DOCK2: variants seen among roughly 807,000 people sequenced by gnomAD.
The protein encoded by DOCK2 is dedicator of cytokinesis 2.
Under a neutral mutation model 248.9 loss-of-function variants are expected in DOCK2, and 87 were observed. The observed-to-expected ratio is 0.35, with a 90% confidence interval of 0.29 to 0.42. DOCK2 has a LOEUF of 0.42. Ranked by LOEUF, DOCK2 falls within the 10% of genes least tolerant of loss-of-function variation. The pLI, the probability that DOCK2 is intolerant of heterozygous loss-of-function variation, is 1.00. For missense variants in DOCK2, 1,747 were observed against 2,300.2 expected (o/e 0.76, Z 4.92); for synonymous variants, 805 against 821.6 (o/e 0.98, Z 0.35).
At chr5:169,858,854 T>TA (rs749437593) in intron 27 of DOCK2, among the ~76,000 whole-genome samples, 4 of 151,626 alleles carry the variant, frequency 2.6e-5, no homozygotes, top group East Asian at 3.9e-4. Context: ...ATAATTATTT[T>TA]AAAAAAAACA....
At chr5:170,017,197 C>T (rs536019148) in intron 32 of DOCK2, among the ~76,000 whole-genome samples, 6 of 152,242 alleles carry the variant, frequency 3.9e-5, no homozygotes, top group African/African-American at 1.4e-4. Context: ...GAGCTTTAAT[C>T]GCAAGCAGCT....
At chr5:169,795,251 C>G (rs953145237) in intron 25 of DOCK2, among the ~76,000 whole-genome samples, 10 of 152,068 alleles carry the variant, frequency 6.6e-5, no homozygotes, top group Non-Finnish European at 1.5e-4. Flanking sequence ...TACATTTTTC[C>G]TTAAGGATTT....
At chr5:169,910,449 A>G (rs1774530673) in intron 27 of DOCK2, among the ~76,000 whole-genome samples, 1 of 152,184 alleles carries the variant, frequency 6.6e-6, no homozygotes, top group Admixed American at 6.5e-5. Context: ...TTTTAAAAAA[A>G]GATCAGCAGA....
At chr5:169,669,195 T>A in intron 2 of DOCK2, 93 bp from the exon 3 acceptor site, 1 of 1,218,052 alleles carries the variant, frequency 8.2e-7, no homozygotes, top group Non-Finnish European at 1.2e-6. Flanking sequence ...GCAGTAGTTT[T>A]ACTAGTTTAA....
intron 27 of DOCK2, among the ~76,000 whole-genome samples, chr5:169,979,773 T>C (rs1777875057): frequency 6.6e-6 from 1 of 152,188 alleles, no homozygotes; most frequent in Non-Finnish European, 1.5e-5. Context: ...TAGTGAGAAC[T>C]AAGAAATTAA....
At position 169,749,373 on chromosome 5, in the gene DOCK2, TA is replaced by T. The variant is rs755879719; in HGVS notation, c.2376+1874del. On this transcript the variant is annotated intron_variant, in intron 23 of 51. Transcript: ENST00000520908. ...GCTACCCGGACAAGAAGAACCTGGG[TA>T]AAAAGACTTATGCCAAAACCATAAT... 1.6e-4 allele frequency among the ~76,000 whole-genome samples: 24 copies of T among 152,260 alleles called. 1 individual carries two copies. Among genetic ancestry groups the T allele is most frequent in the Non-Finnish European group, 2.9e-4 (20 of 68,012 alleles).
At chr5:169,678,978 G>A (rs1759498522) in intron 6 of DOCK2, among the ~76,000 whole-genome samples, 1 of 152,114 alleles carries the variant, frequency 6.6e-6, no homozygotes, top group African/African-American at 2.4e-5. Flanking sequence ...ACATGACCAC[G>A]GAGAGGAAGA....
At chr5:169,840,969 G>A in intron 27 of DOCK2, 117 bp downstream of exon 27, 1 of 1,158,292 alleles carries the variant, frequency 8.6e-7, no homozygotes, top group Non-Finnish European at 1.2e-6. Context: ...TTGTTTTGGA[G>A]TAGGGTGACC....
chr5:169,640,613 G>T (rs1025451543), intron 1 of DOCK2, among the ~76,000 whole-genome samples: 2 of 152,194 alleles, frequency 1.3e-5, no homozygotes, highest in Non-Finnish European at 2.9e-5. Context: ...AGGGTTTTAG[G>T]CCTCCAAGGG....
intron 9 of DOCK2, among the ~76,000 whole-genome samples, chr5:169,693,535 A>C (rs1760427798): frequency 6.6e-6 from 1 of 152,196 alleles, no homozygotes; most frequent in Non-Finnish European, 1.5e-5. Context: ...AAGAGATTTC[A>C]GGATGGTTTG....
intron 25 of DOCK2, among the ~76,000 whole-genome samples, chr5:169,769,123 C>T (rs906309901): frequency 6.6e-6 from 1 of 152,206 alleles, no homozygotes. Flanking sequence ...ATTTAATCTT[C>T]TTTTTGAGTC....
chr5:170,030,723 T>C (rs1167711827), intron 34 of DOCK2, among the ~76,000 whole-genome samples: 1 of 152,236 alleles, frequency 6.6e-6, no homozygotes, highest in Non-Finnish European at 1.5e-5. Flanking sequence ...TACAGGTGGA[T>C]AGCATTGCGG....
intron 27 of DOCK2, among the ~76,000 whole-genome samples, chr5:169,978,385 G>T (rs1777796615): frequency 1.7e-5 from 1 of 60,560 alleles, no homozygotes; most frequent in Non-Finnish European, 3.7e-5. Context: ...ATGTGTGTGT[G>T]TGTGTGTGGG....
At chr5:169,780,788 C>T (rs1765671557) in intron 25 of DOCK2, among the ~76,000 whole-genome samples, 1 of 152,198 alleles carries the variant, frequency 6.6e-6, no homozygotes, top group African/African-American at 2.4e-5. Context: ...TTCTTGGGAA[C>T]CGTAACTTTA....
intron 29 of DOCK2, among the ~76,000 whole-genome samples, chr5:169,990,752 G>A (rs1018213494): frequency 6.6e-6 from 1 of 152,200 alleles, no homozygotes; most frequent in Non-Finnish European, 1.5e-5. Flanking sequence ...AATGACAGGG[G>A]ATTGGGATTT....
intron 25 of DOCK2, among the ~76,000 whole-genome samples, chr5:169,793,699 T>G (rs1300043018): frequency 6.6e-6 from 1 of 152,124 alleles, no homozygotes; most frequent in Admixed American, 6.5e-5. Context: ...CTTTTTACCA[T>G]GGGCCCCAGG....
intron 27 of DOCK2, among the ~76,000 whole-genome samples, chr5:169,861,692 A>G (rs1199725339): frequency 6.6e-6 from 1 of 152,202 alleles, no homozygotes; most frequent in Non-Finnish European, 1.5e-5. Context: ...CAGTTTTGGT[A>G]TATGTGTGTG....
intron 8 of DOCK2, among the ~76,000 whole-genome samples, chr5:169,687,435 G>T (rs1760047648): frequency 6.6e-6 from 1 of 152,092 alleles, no homozygotes; most frequent in Non-Finnish European, 1.5e-5. Flanking sequence ...TAACCTTTTA[G>T]GGGTGACTGG....
rs369180197 is a variant in DOCK2 at position 169,811,923 on chromosome 5, T to A, written c.2703+8717T>A. On this transcript the variant is annotated intron_variant, in intron 26 of 51. Transcript: ENST00000520908. ...AGGCTTTAAGTCAGACTGCATCTTG[T>A]ATCCATTCCACAAATATTTAGAAAT... 1.9e-3 allele frequency among the ~76,000 whole-genome samples: 282 copies of A among 152,352 alleles called. 8 individuals are homozygous for A. The South Asian group carries it at 0.056, about 30-fold the overall frequency.
Sources: allele counts gnomAD v4.1 joint callset (sites outside exome capture counted in the v4.1 genomes callset), GRCh38; gene constraint gnomAD v4.1.1; transcripts MANE v1.5; gene names NCBI Gene and HGNC (gene_info 2026-07-23, HGNC 2026-07-21).